The following NLRP14 variants were observed in gnomAD, a reference collection of about 807,000 sequenced individuals.
NLRP14 encodes NACHT, LRR and PYD domains-containing protein 14.
In NLRP14, 105 loss-of-function variants were observed where a neutral mutation model predicts 94.7. The observed-to-expected ratio is 1.11, with a 90% CI of 0.95 to 1.30. The LOEUF (loss-of-function observed/expected upper bound fraction) is 1.30, where lower values mean the gene tolerates loss of function less well. Ranked by LOEUF, NLRP14 falls within the 50% of genes most tolerant of loss-of-function variation. The pLI is 0.00. For missense variants in NLRP14, 1,362 were observed against 1,254.1 expected, an observed-to-expected ratio of 1.09 and a Z score of -1.30; for synonymous variants, 508 against 459.9, an observed-to-expected ratio of 1.10 and a Z score of -1.34.
the NLRP14 span, chr11:7,089,615 G>A: frequency 1.7e-6 from 2 of 1,206,954 alleles, no homozygotes; most frequent in Non-Finnish European, 2.1e-6. Context: ...AGAGGGCCGC[G>A]CCGTCGGGCC....
Position 7,043,299 on chromosome 11 carries a change from A to G in NLRP14, c.1273A>G (p.Arg425Gly). 1 of 1,614,236 alleles carries G rather than the reference A, an allele frequency of 6.2e-7. No individual in the cohort carries two copies. The highest frequency in any genetic ancestry group is 8.5e-7 in the Non-Finnish European group (1 of 1,180,024). ...TAGTCTACCCAACCAAGCCCAGCTG[A>G]GAAGACTGTGCCAAGTCGCTGCCAA... The part of the protein sequence containing the change: ...SPSLPNQAQL[R>G]RLCQVAAKGI... The change falls in exon 4 of 12, where the codon AGA (arginine) becomes GGA (glycine). Residue 425 changes from arginine (R) to glycine (G), a missense_variant. Arg to Gly is a moderately radical substitution (Grantham distance 125). Coordinates refer to ENST00000299481, the MANE Select transcript of NLRP14 (RefSeq NM_176822.4).
At chr11:7,082,730 C>T in the NLRP14 span, among the ~76,000 whole-genome samples, 1 of 152,226 alleles carries the variant, frequency 6.6e-6, no homozygotes, top group Non-Finnish European at 1.5e-5. Flanking sequence ...TTAGGTTCAG[C>T]CACTGTGCTG....
intron 2 of NLRP14, 110 bp from the exon 3 acceptor site, chr11:7,039,604 G>T (rs779306243): frequency 1.1e-6 from 1 of 884,404 alleles, no homozygotes; most frequent in Non-Finnish European, 1.9e-6. Context: ...CTTAAACCCA[G>T]ATAGTCATAG....
At chr11:7,089,748 C>A in the NLRP14 span, 24 of 1,556,782 alleles carry the variant, frequency 1.5e-5, no homozygotes, top group African/African-American at 3.0e-4. Context: ...CCTGGGCCCG[C>A]GGGATGAGGG....
intron 8 of NLRP14, 71 bp from the exon 9 acceptor site, chr11:7,059,823 C>T (rs184856081): frequency 7.6e-7 from 1 of 1,316,304 alleles, no homozygotes; most frequent in East Asian, 2.4e-5. Flanking sequence ...ATCATGAAAT[C>T]TCTTCAGAGA....
rs893736655 is a variant in NLRP14, at chr11:7,042,482, T to C, written c.456T>C (p.His152=). 1.3e-5 allele frequency: 21 copies of C among 1,614,068 alleles called. No homozygotes were observed. The highest frequency in any genetic ancestry group is 8.3e-5 in the Admixed American group (5 of 60,030). Reference sequence around the variant, plus strand: ...CTGGAAAGCCTGAAGATTTCCATCATGGAATTGCAGAGAAAGATAGAAAAC... The same window carrying C: ...CTGGAAAGCCTGAAGATTTCCATCACGGAATTGCAGAGAAAGATAGAAAAC... ...SLAGKPEDFH[H]GIAEKDRKLL... Residue 152 remains histidine, a synonymous_variant, in exon 4 of 12, where the codon CAT becomes CAC. Transcript: ENST00000299481.
downstream of NLRP14, among the ~76,000 whole-genome samples, chr11:7,076,123 T>G (rs1392660270): frequency 6.6e-6 from 1 of 152,184 alleles, no homozygotes; most frequent in African/African-American, 2.4e-5. Context: ...AATTTTGATA[T>G]TTTGATCATT....
At chr11:7,075,045 G>C (rs1852857392), downstream of NLRP14, among the ~76,000 whole-genome samples, 1 of 152,056 alleles carries the variant, frequency 6.6e-6, no homozygotes, top group Admixed American at 6.6e-5. Flanking sequence ...TGAAAGGGCT[G>C]GTTTCTGTTT....
At chr11:7,088,548 C>G in the NLRP14 span, among the ~76,000 whole-genome samples, 5 of 151,758 alleles carry the variant, frequency 3.3e-5, no homozygotes, top group South Asian at 1.0e-3. Context: ...GACAATAGCA[C>G]CAAATAAAAT....
rs188314879 is a variant in NLRP14 at position 7,062,467 on chromosome 11, C to G, written c.2939C>G (p.Ala980Gly). Reference protein sequence around the residue: ...QDDGVKILCDALRYPNCNIQR... With the variant: ...QDDGVKILCDGLRYPNCNIQR... Reference sequence around the variant, plus strand: ...GATGGAGTGAAAATTCTGTGTGATGCTTTGAGATATCCAAACTGTAACATT... The same window carrying G: ...GATGGAGTGAAAATTCTGTGTGATGGTTTGAGATATCCAAACTGTAACATT... Residue 980 changes from alanine to glycine, a missense_variant, in exon 10 of 12, where the codon GCT (alanine) becomes GGT (glycine). Transcript: ENST00000299481. The G allele has an allele frequency of 9.9e-5, 160 of 1,613,016 alleles. No homozygotes were observed. Among genetic ancestry groups the G allele is most frequent in the Middle Eastern group, 5.0e-4 (3 of 6,056 alleles).
chr11:7,038,739 G>A lies in NLRP14; in HGVS notation c.153G>A (p.Lys51=). The stretch of plus-strand genomic sequence containing the variant: ...GCCTGACACCCTGGAATGAAGTGAA[G>A]AAGGCCAGGCGGGAGGACCTGGCCA... ...EHGLTPWNEV[K]KARREDLANL... Residue 51 remains lysine, a synonymous_variant, in exon 2 of 12, where the codon AAG becomes AAA. Transcript: ENST00000299481. 3 of 1,614,086 alleles carry A rather than the reference G, an allele frequency of 1.9e-6. No individual in the cohort carries two copies. The highest frequency in any genetic ancestry group is 2.5e-6 in the Non-Finnish European group (3 of 1,179,970).
chr11:7,058,274 T>C lies in NLRP14; in HGVS notation c.2463-6T>C. On this transcript the variant is annotated splice_polypyrimidine_tract_variant and splice_region_variant and intron_variant, in intron 7 of 11. Coordinates refer to ENST00000299481, the MANE Select transcript of NLRP14 (RefSeq NM_176822.4). Reference sequence around the variant, plus strand: ...ACAGATCTCTTCTCATCTCTTTCTCTTTCAGCTTAGAAAGCTGTGGTCTCA... The same window carrying C: ...ACAGATCTCTTCTCATCTCTTTCTCCTTCAGCTTAGAAAGCTGTGGTCTCA... The C allele has an allele frequency of 4.3e-6, 7 of 1,611,302 alleles. No homozygotes were observed. The highest frequency in any genetic ancestry group is 5.9e-6 in the Non-Finnish European group (7 of 1,177,838).
At chr11:7,065,602 T>C (rs147510432) in intron 10 of NLRP14, among the ~76,000 whole-genome samples, 358 of 152,272 alleles carry the variant, frequency 2.4e-3, no homozygotes, top group African/African-American at 8.2e-3. Context: ...CTGGGGATAA[T>C]GAACTTTCAT....
chr11:7,039,053 G>C (rs764236700), intron 2 of NLRP14, among the ~76,000 whole-genome samples, 178 bp downstream of exon 2: 1 of 152,076 alleles, frequency 6.6e-6, no homozygotes, highest in Non-Finnish European at 1.5e-5. Context: ...AGGCAGAAGC[G>C]TTTTGAGTAC....
At chr11:7,068,994 C>A (rs1054801699) in intron 10 of NLRP14, among the ~76,000 whole-genome samples, 3 of 152,104 alleles carry the variant, frequency 2.0e-5, no homozygotes, top group Non-Finnish European at 4.4e-5. Context: ...ATTATTAGTT[C>A]TGTTTATCTA....
At chr11:7,064,648 A>T (rs1270066850) in intron 10 of NLRP14, among the ~76,000 whole-genome samples, 1 of 152,128 alleles carries the variant, frequency 6.6e-6, no homozygotes, top group Non-Finnish European at 1.5e-5. Flanking sequence ...CAAATGGGAG[A>T]GAGAGAAAAG....
the NLRP14 span, among the ~76,000 whole-genome samples, chr11:7,088,588 T>C: frequency 2.6e-5 from 4 of 152,168 alleles, no homozygotes; most frequent in Non-Finnish European, 5.9e-5. Context: ...GGCTAAAAGC[T>C]GATTAGTTTA....
intron 6 of NLRP14, among the ~76,000 whole-genome samples, chr11:7,050,481 G>C (rs1402165060): frequency 6.6e-6 from 1 of 151,974 alleles, no homozygotes; most frequent in Non-Finnish European, 1.5e-5. Context: ...TTCAATGAAA[G>C]TCAATGAAAT....
At chr11:7,064,685 A>G (rs1198270350) in intron 10 of NLRP14, among the ~76,000 whole-genome samples, 2 of 152,160 alleles carry the variant, frequency 1.3e-5, no homozygotes, top group African/African-American at 2.4e-5. Context: ...ACAGAAACCC[A>G]TTATATCTTA....
Sources: gnomAD v4.1 joint callset for allele counts (sites outside exome capture counted in the v4.1 genomes callset) on GRCh38, gnomAD v4.1.1 for gene constraint, MANE v1.5 for transcripts, NCBI Gene and HGNC (gene_info 2026-07-23, HGNC 2026-07-21) for gene names.